The following ASTN2 variants were observed in gnomAD, a reference collection of about 807,000 sequenced individuals.
The protein encoded by ASTN2 is astrotactin-2.
ASTN2 carries 54 observed loss-of-function variants against 139.8 expected under a neutral mutation model. The ratio of observed to expected loss-of-function variants is 0.39; its 90% CI spans 0.31 to 0.48. The LOEUF is 0.48. Among genes scored for constraint, ASTN2 ranks in the 20% least tolerant of loss-of-function variants. The pLI, the probability that ASTN2 is intolerant of heterozygous loss-of-function variation, is 0.95. For synonymous variants in ASTN2, 756 were observed against 719.5 expected, an observed-to-expected ratio of 1.05 and a Z score of -0.81; for missense variants, 1,565 against 1,725.1, an observed-to-expected ratio of 0.91 and a Z score of 1.64.
At chr9:117,313,385 AGG>A (rs1564141277) in intron 1 of ASTN2, among the ~76,000 whole-genome samples, 1 of 152,204 alleles carries the variant, frequency 6.6e-6, no homozygotes, top group Non-Finnish European at 1.5e-5. Context: ...ATGGGGCCTC[AGG>A]GTGGTCAGGT....
At chr9:117,119,404 T>C (rs1208713958) in intron 4 of ASTN2, among the ~76,000 whole-genome samples, 1 of 152,216 alleles carries the variant, frequency 6.6e-6, no homozygotes, top group Non-Finnish European at 1.5e-5. Context: ...CCAAGCTTCC[T>C]GTAGCCAGGA....
chr9:117,097,536 G>A (rs1828870518), intron 4 of ASTN2, among the ~76,000 whole-genome samples: 1 of 152,146 alleles, frequency 6.6e-6, no homozygotes, highest in Admixed American at 6.5e-5. Flanking sequence ...TGGGGCTTCA[G>A]ACATCTACAG....
Position 117,141,329 on chromosome 9 carries a change from G to A in ASTN2, c.1165C>T (p.Arg389Ter), listed in dbSNP as rs762528231. 6.6e-6 allele frequency: 9 copies of A among 1,367,158 alleles called. No individual in the cohort carries two copies. Among genetic ancestry groups the A allele is most frequent in the East Asian group, 4.6e-5 (1 of 21,936 alleles). The allele number at this position is 1,367,158 out of a possible 1,614,324, so 84.7% of individuals were successfully genotyped here. A position where few individuals can be genotyped will look rare whatever the true frequency, so the allele number is the denominator to read the frequency against. Residue 389 changes from arginine (R) to a stop codon, truncating the protein, a stop_gained, in exon 4 of 23, where the codon CGA (arginine) becomes TGA (stop). Coordinates refer to ENST00000313400, the MANE Select transcript of ASTN2 (RefSeq NM_001365068.1). LOFTEE classifies it high-confidence loss of function. ...AGKRKRRSKS[R>*]GGISFGRAKG... ...CAGATGTGCCAGGAGGGCCTACCTC[G>A]AGACTTGCTCCTCCGCTTCCTCTTC...
chr9:116,524,376 A>G lies in ASTN2; in HGVS notation c.3356-36876T>C, dbSNP rs548412734. 1.8e-4 allele frequency among the ~76,000 whole-genome samples: 27 copies of G among 152,178 alleles called. No homozygotes were observed. The South Asian group carries it at 4.6e-3, about 26-fold the overall frequency. On this transcript the variant is annotated intron_variant, in intron 19 of 22. Coordinates refer to ENST00000313400, the MANE Select transcript of ASTN2 (RefSeq NM_001365068.1). The stretch of plus-strand genomic sequence containing the variant: ...ATTTCAGCCATAGATCATAACCAAC[A>G]TAGGTGAAAATGTTTCCATGGGAAA...
chr9:116,632,268 A>AGAAAGAAAGAAG (rs1856841741), intron 17 of ASTN2, among the ~76,000 whole-genome samples: 1 of 146,370 alleles, frequency 6.8e-6, no homozygotes, highest in Non-Finnish European at 1.5e-5. Context: ...AAAGAAAGAA[A>AGAAAGAAAGAAG]GAAAGAAAGA....
chr9:116,886,670 T>A (rs1200891982), intron 10 of ASTN2, among the ~76,000 whole-genome samples: 1 of 151,904 alleles, frequency 6.6e-6, no homozygotes, highest in Admixed American at 6.6e-5. Context: ...CCCGACTTGC[T>A]TTTTGTTGTT....
intron 3 of ASTN2, among the ~76,000 whole-genome samples, chr9:117,152,944 C>T (rs1309336782): frequency 2.0e-5 from 3 of 152,094 alleles, no homozygotes; most frequent in Non-Finnish European, 4.4e-5. Context: ...GTAAATACAG[C>T]CATCATTTTA....
intron 1 of ASTN2, among the ~76,000 whole-genome samples, chr9:117,371,318 T>C (rs1274362860): frequency 3.3e-5 from 5 of 152,276 alleles, no homozygotes; most frequent in African/African-American, 2.4e-5. Context: ...CATCCCAACA[T>C]AAAAACTAAA....
chr9:117,374,523 T>G (rs1830070667), intron 1 of ASTN2, among the ~76,000 whole-genome samples: 3 of 152,204 alleles, frequency 2.0e-5, no homozygotes, highest in Middle Eastern at 3.4e-3. Context: ...TTAATTCAAA[T>G]GGACTGGGAG....
At chr9:117,159,123 C>T (rs1414661548) in intron 3 of ASTN2, among the ~76,000 whole-genome samples, 1 of 151,924 alleles carries the variant, frequency 6.6e-6, no homozygotes, top group African/African-American at 2.4e-5. Flanking sequence ...AGTGCTTCCA[C>T]TTTTTTATTA....
At chr9:116,467,465 C>T (rs946395304) in intron 20 of ASTN2, among the ~76,000 whole-genome samples, 9 of 152,300 alleles carry the variant, frequency 5.9e-5, no homozygotes, top group Admixed American at 2.0e-4. Flanking sequence ...CAAGGTTTCA[C>T]CATGTTGGCC....
intron 19 of ASTN2, among the ~76,000 whole-genome samples, chr9:116,609,187 C>A (rs1013569299): frequency 5.3e-5 from 8 of 151,082 alleles, no homozygotes; most frequent in African/African-American, 1.9e-4. Flanking sequence ...AAAAATTTTC[C>A]AAATTTAATG....
intron 2 of ASTN2, among the ~76,000 whole-genome samples, chr9:117,220,241 G>A (rs1056415325): frequency 6.6e-6 from 1 of 151,968 alleles, no homozygotes; most frequent in Non-Finnish European, 1.5e-5. Context: ...ATAATGTCCA[G>A]GTTCCCTAGC....
chr9:116,798,249 C>T (rs527808548), intron 13 of ASTN2, among the ~76,000 whole-genome samples: 61 of 152,278 alleles, frequency 4.0e-4, no homozygotes, highest in Middle Eastern at 3.4e-3. Flanking sequence ...CCAGCCTGGG[C>T]GACAGAGCAA....
Position 117,403,802 on chromosome 9 carries a change from T to G in ASTN2, c.442+10695A>C, listed in dbSNP as rs146895159. ...CCTTAGACTCAGTCTCTAAGAGCTCTTCTGTCCCAACTGTCCTCAAACAAC... is the reference window on the plus strand; with the variant it reads ...CCTTAGACTCAGTCTCTAAGAGCTCGTCTGTCCCAACTGTCCTCAAACAAC... On this transcript the variant is annotated intron_variant, in intron 1 of 22. Coordinates refer to ENST00000313400, the MANE Select transcript of ASTN2 (RefSeq NM_001365068.1). 3.0e-4 allele frequency among the ~76,000 whole-genome samples: 46 copies of G among 152,208 alleles called. No individual in the cohort carries two copies. In the East Asian group the frequency reaches 8.5e-3, roughly 28 times the overall value.
At chr9:117,074,009 C>G (rs1000968052) in intron 5 of ASTN2, among the ~76,000 whole-genome samples, 3 of 151,994 alleles carry the variant, frequency 2.0e-5, no homozygotes, top group Admixed American at 6.5e-5. Context: ...CACACAAGCC[C>G]AGGCGATGGC....
chr9:117,023,682 A>G (rs1837962749), intron 6 of ASTN2, among the ~76,000 whole-genome samples: 1 of 152,162 alleles, frequency 6.6e-6, no homozygotes, highest in Non-Finnish European at 1.5e-5. Context: ...GGAAATAAAT[A>G]TTTGTTCAAT....
intron 17 of ASTN2, among the ~76,000 whole-genome samples, chr9:116,623,205 T>TGTGTGTGTG (rs1856264140): frequency 8.0e-6 from 1 of 124,386 alleles, no homozygotes; most frequent in Non-Finnish European, 1.7e-5. Flanking sequence ...GTGTGTGTGT[T>TGTGTGTGTG]TGGTTTTTGT....
intron 4 of ASTN2, among the ~76,000 whole-genome samples, chr9:117,134,879 T>A (rs1211384685): frequency 6.6e-6 from 1 of 152,122 alleles, no homozygotes; most frequent in South Asian, 2.1e-4. Flanking sequence ...AGAGTGGATG[T>A]CTTAAAAAAT....
Sources: allele counts gnomAD v4.1 joint callset (sites outside exome capture counted in the v4.1 genomes callset), GRCh38; gene constraint gnomAD v4.1.1; transcripts MANE v1.5; gene names NCBI Gene and HGNC (gene_info 2026-07-23, HGNC 2026-07-21).